KNDC1: variants seen among roughly 807,000 people sequenced by gnomAD.
KNDC1 encodes the protein kinase non-catalytic C-lobe domain containing 1, also known as kinase non-catalytic C-lobe domain-containing protein 1.
Under a neutral mutation model 172.8 loss-of-function variants are expected in KNDC1, and 106 were observed. The observed-to-expected ratio is 0.61, with a 90% CI of 0.52 to 0.72. KNDC1 has a LOEUF of 0.72. KNDC1 is among the 30% of genes least tolerant of loss of function. The pLI, the probability that KNDC1 is intolerant of heterozygous loss-of-function variation, is 0.00. For synonymous variants in KNDC1, 1,083 were observed against 1,062.2 expected (o/e 1.02, Z -0.38); for missense variants, 2,325 against 2,394.5 (o/e 0.97, Z 0.61).
In KNDC1 at chr10:133,198,361, C is replaced by A. The variant is rs750270981; in HGVS notation, c.1931C>A (p.Thr644Asn). ...SPGFLPVNSD[T>N]GLVAVPGPVP... ...GGCTTCCTGCCGGTGAACAGCGACA[C>A]CGGGCTTGTGGCTGTGCCAGGGCCC... Residue 644 changes from threonine (T) to asparagine (N), a missense_variant, in exon 13 of 30, where the codon ACC (threonine) becomes AAC (asparagine). Physicochemically the swap from Thr to Asn is moderately conservative, Grantham distance 65. Coordinates refer to ENST00000304613, the MANE Select transcript of KNDC1 (RefSeq NM_152643.8). 6.3e-7 allele frequency: 1 copy of A among 1,592,782 alleles called. No individual in the cohort carries two copies.
chr10:133,160,342 C>T lies in KNDC1; in HGVS notation c.-126C>T. 3.3e-6 allele frequency: 1 copy of T among 307,160 alleles called. No homozygotes were observed. Among genetic ancestry groups the T allele is most frequent in the Non-Finnish European group, 5.3e-6 (1 of 189,196 alleles). The allele number at this position is 307,160 out of a possible 1,614,324, so 19.0% of individuals were successfully genotyped here. On this transcript the variant is annotated 5_prime_UTR_variant, in exon 1 of 30. Transcript: ENST00000304613. ...CTGACCGCGTCCCCTGGAGACACTG[C>T]GGCAGCGGCGGGCGGGCGGGGGCGG...
intron 17 of KNDC1, among the ~76,000 whole-genome samples, chr10:133,204,944 G>C (rs1815540880): frequency 1.4e-5 from 2 of 147,910 alleles, no homozygotes; most frequent in Non-Finnish European, 3.0e-5. Context: ...TCCCCCTGAA[G>C]ACCTGCTGCT....
intron 26 of KNDC1, among the ~76,000 whole-genome samples, chr10:133,215,648 T>C (rs1335669258): frequency 6.6e-6 from 1 of 152,272 alleles, no homozygotes; most frequent in Non-Finnish European, 1.5e-5. Context: ...GGCTGTCACC[T>C]GGCCAACCCA....
At chr10:133,188,727 A>G in intron 7 of KNDC1, 74 bp downstream of exon 7, 1 of 389,096 alleles carries the variant, frequency 2.6e-6, no homozygotes, top group South Asian at 2.2e-5. Flanking sequence ...CCGCCGTCCC[A>G]CACCCCCGCC....
At chr10:133,208,181 T>C (rs1391118545) in intron 20 of KNDC1, among the ~76,000 whole-genome samples, 1 of 151,932 alleles carries the variant, frequency 6.6e-6, no homozygotes, top group Non-Finnish European at 1.5e-5. Flanking sequence ...CAGCAGCCAG[T>C]GGGGACAGGC....
intron 3 of KNDC1, among the ~76,000 whole-genome samples, chr10:133,168,868 C>T (rs1853275384): frequency 1.3e-5 from 2 of 152,224 alleles, no homozygotes; most frequent in Admixed American, 1.3e-4. Flanking sequence ...TCCAGTGCAG[C>T]CCCTTGGGGA....
At position 133,207,253 on chromosome 10, in the gene KNDC1, C is replaced by G; in HGVS notation, c.3696C>G (p.Leu1232=). 1 of 1,613,136 alleles carries G rather than the reference C, an allele frequency of 6.2e-7. No individual in the cohort carries two copies. The highest frequency in any genetic ancestry group is 8.5e-7 in the Non-Finnish European group (1 of 1,179,984). The change falls in exon 20 of 30, where the codon CTC becomes CTG. Residue 1232 remains leucine (L), a synonymous_variant. Transcript: ENST00000304613. ...GCCCCCTGGACGAGTCCTCCTCGCT[C>G]ATCTTCTACAACGTCAACAAGCACC... ...DFSPLDESSS[L]IFYNVNKHPG...
rs1268641517 is a variant in KNDC1, at chr10:133,199,046, C to G, written c.2538C>G (p.Gly846=). Residue 846 remains glycine (G), a synonymous_variant, in exon 14 of 30, where the codon GGC becomes GGG. Transcript: ENST00000304613. ...ATERPGQEPE[G]PGATPAGERD... ...AGCGCCCGGGCCAGGAGCCAGAGGG[C>G]CCCGGGGCCACCCCTGCCGGGGAAC... 3 of 1,589,556 alleles carry G rather than the reference C, an allele frequency of 1.9e-6. No homozygotes were observed. The highest frequency in any genetic ancestry group is 2.6e-6 in the Non-Finnish European group (3 of 1,169,442).
In KNDC1 at chr10:133,212,751, G is replaced by A. The variant is rs780236935; in HGVS notation, c.4272G>A (p.Leu1424=). ...GGAGGCTGCCCCGAGGCAACGGGCT[G>A]GTGCTGCCGCCACACAAGGAGCGCC... ...FPWRLPRGNG[L]VLPPHKERPY... The change falls in exon 24 of 30, where the codon CTG becomes CTA. Residue 1424 remains leucine, a synonymous_variant. Transcript: ENST00000304613. 4 of 1,613,516 alleles carry A rather than the reference G, an allele frequency of 2.5e-6. No homozygotes were observed. The highest frequency in any genetic ancestry group is 3.4e-6 in the Non-Finnish European group (4 of 1,179,844).
chr10:133,189,637 G>C lies in KNDC1; in HGVS notation c.1481G>C (p.Gly494Ala). The C allele has an allele frequency of 6.2e-7, 1 of 1,613,846 alleles. No homozygotes were observed. The highest frequency in any genetic ancestry group is 8.5e-7 in the Non-Finnish European group (1 of 1,179,994). The part of the protein sequence containing the change: ...CLDSVLVAED[G>A]AVLFQPPPAN... ...GACTCCGTGCTGGTTGCTGAGGACGGGGCTGTGCTCTTCCAGCCACCCCCT... is the reference window on the plus strand; with the variant it reads ...GACTCCGTGCTGGTTGCTGAGGACGCGGCTGTGCTCTTCCAGCCACCCCCT... The change falls in exon 8 of 30, where the codon GGG becomes GCG. Residue 494 changes from glycine to alanine, a missense_variant. By Grantham distance (60) the Gly-to-Ala change is moderately conservative (BLOSUM62 0). Transcript: ENST00000304613.
chr10:133,162,214 CA>C (rs1410077779), intron 1 of KNDC1, among the ~76,000 whole-genome samples: 1 of 152,210 alleles, frequency 6.6e-6, no homozygotes, highest in East Asian at 1.9e-4. Flanking sequence ...CTGAGCCCAA[CA>C]CACCCCATGT....
chr10:133,169,678 C>CG (rs1220917095), intron 3 of KNDC1, among the ~76,000 whole-genome samples: 2 of 151,774 alleles, frequency 1.3e-5, no homozygotes, highest in Non-Finnish European at 1.5e-5. Flanking sequence ...GCCTGGTGGC[C>CG]GGGACATGGT....
At chr10:133,202,802 C>A (rs1467033076) in intron 17 of KNDC1, 1 of 384,742 alleles carries the variant, frequency 2.6e-6, no homozygotes. Flanking sequence ...TTCTGGGCCA[C>A]GTGAAAGACC....
At position 133,212,924 on chromosome 10, in the gene KNDC1, T is replaced by C. The variant is rs773213632; in HGVS notation, c.4443+2T>C. On this transcript the variant is annotated splice_donor_variant, in intron 24 of 29. Coordinates refer to ENST00000304613, the MANE Select transcript of KNDC1 (RefSeq NM_152643.8). LOFTEE classifies it high-confidence loss of function. ...AGCCAGCTCACGCTGCTACAGCAGG[T>C]GAGGAGGGCGAGGATCTGCGCCCAG... 1.9e-6 allele frequency: 3 copies of C among 1,608,810 alleles called. No individual in the cohort carries two copies. The highest frequency in any genetic ancestry group is 8.5e-7 in the Non-Finnish European group (1 of 1,176,408).
rs950463646 is a variant in KNDC1 at position 133,167,927 on chromosome 10, C to A, written c.302-327C>A. Among the ~76,000 whole-genome samples the A allele has an allele frequency of 3.3e-5, 5 of 152,336 alleles. No individual in the cohort carries two copies. In the East Asian group the frequency reaches 9.7e-4, roughly 29 times the overall value. On this transcript the variant is annotated intron_variant, in intron 2 of 29. Transcript: ENST00000304613. ...TGCCCTGCTGTGAGTGGACGCAGGC[C>A]CGGGAGGGTGGGACGCCCCTGCCTC...
At chr10:133,175,886 GTGAA>G (rs1454723852) in intron 3 of KNDC1, among the ~76,000 whole-genome samples, 1 of 150,206 alleles carries the variant, frequency 6.7e-6, no homozygotes, top group Admixed American at 6.6e-5. Flanking sequence ...GGATGGGTGG[GTGAA>G]TGGATGGGTG....
At chr10:133,201,351 G>A (rs529947472) in intron 16 of KNDC1, 150 bp from the exon 17 acceptor site, 96 of 799,418 alleles carry the variant, frequency 1.2e-4, no homozygotes, top group East Asian at 5.3e-4. Flanking sequence ...ACTGGGAGGC[G>A]GCAGCCGTGC....
intron 3 of KNDC1, among the ~76,000 whole-genome samples, chr10:133,181,862 C>A (rs1383156409): frequency 7.0e-5 from 2 of 28,740 alleles, no homozygotes; most frequent in Admixed American, 3.9e-4. Context: ...ACACACACAC[C>A]AGACTGTGGA....
intron 24 of KNDC1, among the ~76,000 whole-genome samples, chr10:133,213,424 T>C (rs1449980054): frequency 2.8e-4 from 43 of 152,314 alleles, no homozygotes; most frequent in Admixed American, 2.8e-3. Context: ...AATCTAGTGA[T>C]CCACCTGCTG....
Sources: allele counts gnomAD v4.1 joint callset (sites outside exome capture counted in the v4.1 genomes callset), GRCh38; gene constraint gnomAD v4.1.1; transcripts MANE v1.5; gene names NCBI Gene and HGNC (gene_info 2026-07-23, HGNC 2026-07-21).